PDE1A: variants seen among roughly 807,000 people sequenced by gnomAD.
PDE1A encodes dual specificity calcium/calmodulin-dependent 3',5'-cyclic nucleotide phosphodiesterase 1A.
PDE1A carries 35 observed loss-of-function variants against 61.7 expected under a neutral mutation model. The ratio of observed to expected loss-of-function variants is 0.57; its 90% CI spans 0.43 to 0.75. The LOEUF (loss-of-function observed/expected upper bound fraction) is 0.75. Ranked by LOEUF, PDE1A falls within the 30% of genes least tolerant of loss-of-function variation. The probability of loss-of-function intolerance (pLI) is 0.00; values close to 1 mark genes in which losing one functional copy is unlikely to be tolerated. For synonymous variants in PDE1A, 232 were observed against 213.2 expected (o/e 1.09, Z -0.77); for missense variants, 597 against 630.6 (o/e 0.95, Z 0.57).
the PDE1A span, among the ~76,000 whole-genome samples, chr2:182,648,837 T>G: frequency 6.6e-6 from 1 of 152,216 alleles, no homozygotes; most frequent in Non-Finnish European, 1.5e-5. Flanking sequence ...CAGTCACATT[T>G]TTATCATCTA....
In PDE1A at chr2:182,364,490, A is replaced by AAAAAAAAAAAAC. The variant is rs1559379251; in HGVS notation, c.53+62087_53+62088insGTTTTTTTTTTT. Among the ~76,000 whole-genome samples, 8 of 144,082 alleles carry AAAAAAAAAAAAC rather than the reference A, an allele frequency of 5.6e-5. 1 individual carries two copies. In the East Asian group the frequency reaches 9.3e-4, roughly 17 times the overall value. The allele number at this position is 144,082 out of a possible 152,430, so 94.5% of individuals were successfully genotyped here. A position where few individuals can be genotyped will look rare whatever the true frequency, so the allele number is the denominator to read the frequency against. On this transcript the variant is annotated intron_variant, in intron 1 of 13. Transcript: ENST00000351439. ...GTAAAAAAAAAAAAAAAAAAAAAAA[A>AAAAAAAAAAAAC]AAAAAAAAACCTTATTCTGAATTAT...
At chr2:182,194,881 T>TCA (rs55809632) in intron 10 of PDE1A, among the ~76,000 whole-genome samples, 6,107 of 144,868 alleles carry the variant, frequency 0.042, 226 homozygotes, top group Admixed American at 0.14. Context: ...TCTGAAATAT[T>TCA]CACACACACA....
At chr2:182,259,463 T>C (rs1692070066) in intron 2 of PDE1A, among the ~76,000 whole-genome samples, 1 of 152,222 alleles carries the variant, frequency 6.6e-6, no homozygotes, top group Admixed American at 6.5e-5. Flanking sequence ...AGAATTTTAT[T>C]TAAAATAGAA....
intron 2 of PDE1A, among the ~76,000 whole-genome samples, chr2:182,480,490 C>T (rs1687634039): frequency 6.6e-6 from 1 of 151,940 alleles, no homozygotes; most frequent in Non-Finnish European, 1.5e-5. Context: ...TCTGTGGATT[C>T]AACCAACTGT....
chr2:182,487,998 A>G (rs1346843084), intron 2 of PDE1A, among the ~76,000 whole-genome samples: 1 of 152,224 alleles, frequency 6.6e-6, no homozygotes, highest in Non-Finnish European at 1.5e-5. Context: ...CACTGTTTAT[A>G]GTTTTCTTTT....
At position 182,357,982 on chromosome 2, in the gene PDE1A, A is replaced by G. The variant is rs1291389234; in HGVS notation, c.53+68596T>C. Among the ~76,000 whole-genome samples, 6 of 152,136 alleles carry G rather than the reference A, an allele frequency of 3.9e-5. No homozygotes were observed. The East Asian group carries it at 1.2e-3, about 29-fold the overall frequency. ...GATCAAGGTAGGGAAGTCAGCACCC[A>G]CTTCCTTGTGATGAGCTGTGTTGCA... On this transcript the variant is annotated intron_variant, in intron 1 of 13. Coordinates refer to ENST00000351439, the Ensembl canonical transcript of PDE1A.
chr2:182,560,469 G>A, the PDE1A span, among the ~76,000 whole-genome samples: 1 of 151,120 alleles, frequency 6.6e-6, no homozygotes, highest in Non-Finnish European at 1.5e-5. Flanking sequence ...ATCATTGTTG[G>A]ACATTTGGGT....
chr2:182,389,086 A>C (rs1701277210), intron 1 of PDE1A, among the ~76,000 whole-genome samples: 1 of 152,238 alleles, frequency 6.6e-6, no homozygotes, highest in South Asian at 2.1e-4. Context: ...TTTAGTTCTC[A>C]AAATAAGTTC....
intron 2 of PDE1A, among the ~76,000 whole-genome samples, chr2:182,443,622 G>A (rs375472784): frequency 4.7e-4 from 71 of 151,280 alleles, no homozygotes; most frequent in Middle Eastern, 6.9e-3. Flanking sequence ...TGTAAGTTTC[G>A]TATGGCCTCC....
chr2:182,240,333 T>G, intron 2 of PDE1A, 41 bp from the exon 3 acceptor site: 1 of 1,302,198 alleles, frequency 7.7e-7, no homozygotes, highest in Non-Finnish European at 1.0e-6. Context: ...TATAAAAAAG[T>G]GAAGAAAAAC....
At chr2:182,231,273 G>T in intron 4 of PDE1A, 142 bp from the exon 5 acceptor site, 1 of 626,966 alleles carries the variant, frequency 1.6e-6, no homozygotes, top group Non-Finnish European at 2.8e-6. Context: ...GAGTTTCATA[G>T]GACAGGACCA....
chr2:182,595,627 A>G, the PDE1A span, among the ~76,000 whole-genome samples: 1 of 152,222 alleles, frequency 6.6e-6, no homozygotes, highest in Non-Finnish European at 1.5e-5. Flanking sequence ...AGCACCCATA[A>G]GGCTGTCTCT....
intron 2 of PDE1A, among the ~76,000 whole-genome samples, chr2:182,257,082 T>C (rs10185985): frequency 0.056 from 8,556 of 152,258 alleles, 741 homozygotes; most frequent in African/African-American, 0.19. Flanking sequence ...CTGCTTTCTG[T>C]TAATTGGGCA....
the PDE1A span, among the ~76,000 whole-genome samples, chr2:182,664,946 A>G: frequency 6.6e-5 from 10 of 152,326 alleles, no homozygotes; most frequent in African/African-American, 2.2e-4. Context: ...TTTTTCTCAA[A>G]AAAAGTAAAT....
chr2:182,163,648 G>A (rs188783850), downstream of PDE1A, among the ~76,000 whole-genome samples: 7 of 152,236 alleles, frequency 4.6e-5, no homozygotes, highest in African/African-American at 1.7e-4. Flanking sequence ...TGTTGCATCT[G>A]GCCCCTCCTA....
At chr2:182,249,577 A>C (rs964758) in intron 2 of PDE1A, among the ~76,000 whole-genome samples, 107,649 of 151,898 alleles carry the variant, frequency 0.71, 38,765 homozygotes, top group African/African-American at 0.84. Context: ...TCCAGGACAG[A>C]TGGAGGAATT....
At chr2:182,433,374 G>T (rs1376363933) in intron 2 of PDE1A, among the ~76,000 whole-genome samples, 1 of 152,040 alleles carries the variant, frequency 6.6e-6, no homozygotes, top group Non-Finnish European at 1.5e-5. Flanking sequence ...TTCTTTTGGG[G>T]GTTCTCTTTT....
At chr2:182,297,387 T>C (rs1481348021) in intron 1 of PDE1A, among the ~76,000 whole-genome samples, 3 of 152,186 alleles carry the variant, frequency 2.0e-5, no homozygotes, top group Non-Finnish European at 4.4e-5. Flanking sequence ...AAACAAGAGC[T>C]ATTTTTTAAT....
At chr2:182,296,753 G>A (rs1410688262) in intron 1 of PDE1A, among the ~76,000 whole-genome samples, 6 of 152,138 alleles carry the variant, frequency 3.9e-5, no homozygotes, top group Admixed American at 3.9e-4. Flanking sequence ...TGCTGTGAGT[G>A]TTTCCCAATT....
Sources: gnomAD v4.1 joint callset for allele counts (sites outside exome capture counted in the v4.1 genomes callset) on GRCh38, gnomAD v4.1.1 for gene constraint, MANE v1.5 for transcripts, NCBI Gene and HGNC (gene_info 2026-07-23, HGNC 2026-07-21) for gene names.